PIK3R6: variants seen among roughly 807,000 people sequenced by gnomAD.
PIK3R6 encodes the protein phosphoinositide 3-kinase regulatory subunit 6.
A neutral mutation model predicts 84.9 loss-of-function variants in PIK3R6; 91 were observed. The ratio of observed to expected loss-of-function variants is 1.07; its 90% CI spans 0.90 to 1.28. The LOEUF (loss-of-function observed/expected upper bound fraction) is 1.28, where lower values mean the gene tolerates loss of function less well. Ranked by LOEUF, PIK3R6 falls within the 50% of genes most tolerant of loss-of-function variation. The pLI, the probability that PIK3R6 is intolerant of heterozygous loss-of-function variation, is 0.00. For missense variants in PIK3R6, 996 were observed against 985.1 expected, an observed-to-expected ratio of 1.01 and a Z score of -0.15; for synonymous variants, 416 against 411.4, an observed-to-expected ratio of 1.01 and a Z score of -0.13.
At position 8,835,427 on chromosome 17, in the gene PIK3R6, AC is replaced by A; in HGVS notation, c.490del (p.Val164CysfsTer85). ...CAGAGCACTGCACACAGACGCAGAC[AC>A]CAGCTCAGGATCCACGAAGAGGAAC... ...RVFLFVDPEL[V>X]SASVCSALLL... On this transcript the variant is annotated frameshift_variant, in exon 8 of 20. Coordinates refer to ENST00000619866, the MANE Select transcript of PIK3R6 (RefSeq NM_001010855.4). LOFTEE classifies it high-confidence loss of function. 6.3e-7 allele frequency: 1 copy of A among 1,587,618 alleles called. No individual in the cohort carries two copies.
Position 8,803,169 on chromosome 17 carries a change from C to T in PIK3R6, c.*104G>A. 1.3e-6 allele frequency: 2 copies of T among 1,490,372 alleles called. No homozygotes were observed. The highest frequency in any genetic ancestry group is 1.8e-6 in the Non-Finnish European group (2 of 1,091,168). 92.3% of individuals were successfully genotyped at this position (1,490,372 alleles called of 1,614,324 possible). ...GCACTCGCTGGCTCCTGGTCAAGGC[C>T]AAAGCTGCCGTGTGGAGCCGGGCCT... On this transcript the variant is annotated 3_prime_UTR_variant, in exon 20 of 20. Coordinates refer to ENST00000619866, the MANE Select transcript of PIK3R6 (RefSeq NM_001010855.4). This position sits in a 1 kb window ranked among gnomAD's most constrained non-coding sequence, Gnocchi z 5.0.
At position 8,804,037 on chromosome 17, in the gene PIK3R6, T is replaced by C. The variant is rs1240146531; in HGVS notation, c.2108+4A>G. 1 of 1,612,670 alleles carries C rather than the reference T, an allele frequency of 6.2e-7. No individual in the cohort carries two copies. Among genetic ancestry groups the C allele is most frequent in the East Asian group, 2.2e-5 (1 of 44,890 alleles). ...ACATCTAGGGTTGGCAGGCCCAGCC[T>C]CACCTGACCACATCCCTGAAAGTGC... On this transcript the variant is annotated splice_donor_region_variant and intron_variant, in intron 19 of 19. Transcript: ENST00000619866.
intron 8 of PIK3R6, 138 bp downstream of exon 8, chr17:8,835,135 G>T: frequency 2.8e-6 from 3 of 1,053,824 alleles, no homozygotes; most frequent in African/African-American, 1.6e-5. Flanking sequence ...ACTGCGCCCA[G>T]CCAAAATGTA....
At chr17:8,840,635 T>C (rs945938333) in intron 2 of PIK3R6, among the ~76,000 whole-genome samples, 6 of 147,686 alleles carry the variant, frequency 4.1e-5, no homozygotes, top group Non-Finnish European at 7.4e-5. Flanking sequence ...CAAATATATA[T>C]GAAATATATA....
chr17:8,855,010 T>C (rs1255711807), intron 1 of PIK3R6, among the ~76,000 whole-genome samples: 1 of 152,148 alleles, frequency 6.6e-6, no homozygotes, highest in African/African-American at 2.4e-5. Context: ...CTGGCCAATA[T>C]AGTGAAACCC....
chr17:8,867,290 G>A (rs1188691320), intron 1 of PIK3R6, among the ~76,000 whole-genome samples: 7 of 152,142 alleles, frequency 4.6e-5, no homozygotes, highest in South Asian at 2.1e-4. Flanking sequence ...ACAGGGTCCC[G>A]TGTCTTTTCA....
intron 1 of PIK3R6, among the ~76,000 whole-genome samples, chr17:8,856,536 A>G (rs780642157): frequency 3.3e-5 from 5 of 152,174 alleles, no homozygotes; most frequent in Non-Finnish European, 5.9e-5. Context: ...CAGGAGATGG[A>G]GTTTGCAGTG....
chr17:8,822,879 C>G lies in PIK3R6; in HGVS notation c.1717+117G>C, dbSNP rs2087787854. The G allele has an allele frequency of 8.9e-6, 9 of 1,016,010 alleles. No individual in the cohort carries two copies. The Admixed American group carries it at 1.6e-4, about 18-fold the overall frequency. 62.9% of individuals were successfully genotyped at this position (1,016,010 alleles called of 1,614,324 possible). On this transcript the variant is annotated intron_variant, in intron 15 of 19. Coordinates refer to ENST00000619866, the MANE Select transcript of PIK3R6 (RefSeq NM_001010855.4). ...CATTCAGCAGAGGTAGGGAACAGAG[C>G]AGGGACAAGCACTGAGGGTGTGGGC... is the stretch of plus-strand genomic sequence containing the variant.
intron 18 of PIK3R6, among the ~76,000 whole-genome samples, chr17:8,811,165 C>A (rs532370509): frequency 1.3e-5 from 2 of 148,924 alleles, no homozygotes; most frequent in East Asian, 4.4e-4. Context: ...GCTGCCAAGC[C>A]TTAGGGCTCG....
chr17:8,849,130 C>T (rs1384701673), intron 2 of PIK3R6, among the ~76,000 whole-genome samples: 1 of 152,136 alleles, frequency 6.6e-6, no homozygotes, highest in Non-Finnish European at 1.5e-5. Flanking sequence ...GGCTTTGCCA[C>T]TTACTAGCTG....
intron 4 of PIK3R6, 81 bp from the exon 5 acceptor site, chr17:8,837,952 T>G (rs1597416514): frequency 7.9e-7 from 1 of 1,270,738 alleles, no homozygotes; most frequent in South Asian, 1.2e-5. Flanking sequence ...AGGCTGGGAG[T>G]GGGCAGGAGA....
chr17:8,827,750 AGAGAGAGAGAGAG>A (rs1184013181), intron 12 of PIK3R6, among the ~76,000 whole-genome samples: 783 of 74,330 alleles, frequency 0.011, 10 homozygotes, highest in African/African-American at 0.014. Context: ...GGGGAGAGAG[AGAGAGAGAGAGAG>A]GAGAGAGAGA....
chr17:8,827,968 G>A lies in PIK3R6; in HGVS notation c.1392+144C>T, dbSNP rs2088002961. On this transcript the variant is annotated intron_variant, in intron 12 of 19. Coordinates refer to ENST00000619866, the MANE Select transcript of PIK3R6 (RefSeq NM_001010855.4). ...TCTGCAGCCTCTGAAATAGAAGACC[G>A]CTGACCTCTCTCCCGCCTCCACATT... is the stretch of plus-strand genomic sequence containing the variant. 10 of 805,712 alleles carry A rather than the reference G, an allele frequency of 1.2e-5. No individual in the cohort carries two copies. In the South Asian group the frequency reaches 1.6e-4, roughly 13 times the overall value. The allele number at this position is 805,712 out of a possible 1,614,324, so 49.9% of individuals were successfully genotyped here.
chr17:8,857,919 G>A (rs938311551), intron 1 of PIK3R6, among the ~76,000 whole-genome samples: 15 of 148,490 alleles, frequency 1.0e-4, no homozygotes, highest in African/African-American at 2.7e-4. Flanking sequence ...AAAAAAAAAA[G>A]GGAAAGTAAA....
At chr17:8,824,708 C>T (rs1391740645) in intron 13 of PIK3R6, among the ~76,000 whole-genome samples, 1 of 152,154 alleles carries the variant, frequency 6.6e-6, no homozygotes, top group Non-Finnish European at 1.5e-5. Context: ...CAAAGGAGCA[C>T]CAATGGGGCC....
chr17:8,827,054 T>C, intron 13 of PIK3R6, 118 bp downstream of exon 13: 2 of 1,189,606 alleles, frequency 1.7e-6, no homozygotes, highest in Non-Finnish European at 1.2e-6. Context: ...AGCAAAAAGA[T>C]GGCCCCCTCT....
chr17:8,846,911 C>G (rs573660577), intron 2 of PIK3R6, among the ~76,000 whole-genome samples: 1 of 152,206 alleles, frequency 6.6e-6, no homozygotes, highest in Non-Finnish European at 1.5e-5. Context: ...GCCTGTGTTC[C>G]CTGCACTGTC....
At chr17:8,813,741 A>G (rs1447229565) in intron 18 of PIK3R6, among the ~76,000 whole-genome samples, 1 of 152,220 alleles carries the variant, frequency 6.6e-6, no homozygotes, top group East Asian at 1.9e-4. Context: ...CAAAGTAGCA[A>G]TAGAAGGAAC....
intron 1 of PIK3R6, among the ~76,000 whole-genome samples, chr17:8,851,188 AAAAAC>A (rs2088949422): frequency 1.3e-5 from 2 of 151,164 alleles, no homozygotes; most frequent in Non-Finnish European, 1.5e-5. Flanking sequence ...TACAGAAAAA[AAAAAC>A]AAAAACAAAA....
Sources: gnomAD v4.1 joint callset for allele counts (sites outside exome capture counted in the v4.1 genomes callset) on GRCh38, gnomAD v4.1.1 for gene constraint, Gnocchi (gnomAD v3.1) non-coding constraint, MANE v1.5 for transcripts, NCBI Gene and HGNC (gene_info 2026-07-23, HGNC 2026-07-21) for gene names.